TCF12: variants seen among roughly 807,000 people sequenced by gnomAD.
The protein encoded by TCF12 is transcription factor 12.
A neutral mutation model predicts 86.0 loss-of-function variants in TCF12; 45 were observed. That is an observed-to-expected ratio of 0.52 (90% confidence interval 0.41 to 0.67). The LOEUF is 0.67. Ranked by LOEUF, TCF12 falls within the 30% of genes least tolerant of loss-of-function variation. The probability of loss-of-function intolerance (pLI) is 0.00; values close to 1 mark genes in which losing one functional copy is unlikely to be tolerated. For missense variants in TCF12, 881 were observed against 859.9 expected, an observed-to-expected ratio of 1.02 and a Z score of -0.31; for synonymous variants, 330 against 299.6, an observed-to-expected ratio of 1.10 and a Z score of -1.05.
intron 4 of TCF12, among the ~76,000 whole-genome samples, chr15:57,068,461 A>G (rs1285820479): frequency 1.3e-5 from 2 of 152,200 alleles, no homozygotes; most frequent in African/African-American, 2.4e-5. Context: ...ACTTTTATTT[A>G]TTTTAAATGT....
At chr15:57,031,608 G>A (rs1019599206) in intron 3 of TCF12, among the ~76,000 whole-genome samples, 1 of 152,128 alleles carries the variant, frequency 6.6e-6, no homozygotes, top group Non-Finnish European at 1.5e-5. Flanking sequence ...TATAAAATCT[G>A]GACAGAATAC....
chr15:57,248,013 G>A (rs2059940017), intron 13 of TCF12: 1 of 711,664 alleles, frequency 1.4e-6, no homozygotes, highest in Non-Finnish European at 2.6e-6. Context: ...GGTGGCAACG[G>A]CTGCAGTTGG....
chr15:57,138,943 G>T (rs1050915680), intron 5 of TCF12, among the ~76,000 whole-genome samples: 2 of 152,156 alleles, frequency 1.3e-5, no homozygotes, highest in Non-Finnish European at 2.9e-5. Flanking sequence ...GTGAATATAT[G>T]ATTAAATTAA....
At chr15:56,955,974 T>C (rs2061491183) in intron 3 of TCF12, among the ~76,000 whole-genome samples, 1 of 152,214 alleles carries the variant, frequency 6.6e-6, no homozygotes, top group African/African-American at 2.4e-5. Context: ...GACTGTTTTA[T>C]CATTATAAAA....
At chr15:57,179,310 C>T (rs1370534712) in intron 6 of TCF12, among the ~76,000 whole-genome samples, 2 of 152,052 alleles carry the variant, frequency 1.3e-5, no homozygotes, top group Non-Finnish European at 2.9e-5. Context: ...CATAGTGAAA[C>T]CCCATCTCTA....
intron 6 of TCF12, among the ~76,000 whole-genome samples, chr15:57,190,599 C>T (rs1203373103): frequency 6.6e-6 from 1 of 152,160 alleles, no homozygotes; most frequent in African/African-American, 2.4e-5. Context: ...TTTCAAGTCT[C>T]TGTGATCCTA....
intron 5 of TCF12, among the ~76,000 whole-genome samples, chr15:57,136,996 T>TTTTTTG (rs2052591137): frequency 9.5e-6 from 1 of 104,884 alleles, no homozygotes. Context: ...TTTTTTTTTT[T>TTTTTTG]TGAGACGGAG....
At chr15:57,055,392 C>T (rs1272970965) in intron 3 of TCF12, among the ~76,000 whole-genome samples, 3 of 152,164 alleles carry the variant, frequency 2.0e-5, no homozygotes, top group Admixed American at 6.5e-5. Flanking sequence ...CGAGCAAAAA[C>T]TCTGTCTCAA....
At chr15:56,984,001 C>CAAAAAAAAAAA (rs71113046) in intron 3 of TCF12, among the ~76,000 whole-genome samples, 15 of 43,042 alleles carry the variant, frequency 3.5e-4, no homozygotes, top group African/African-American at 3.9e-4. Context: ...GACCCTGTCT[C>CAAAAAAAAAAA]AAAAAAAAAA....
chr15:57,069,095 C>T (rs921063706), intron 4 of TCF12, among the ~76,000 whole-genome samples: 8 of 152,278 alleles, frequency 5.3e-5, no homozygotes, highest in East Asian at 1.9e-4. Context: ...AGCCAACCTA[C>T]GCCAAGCTCT....
At chr15:57,275,165 T>C (rs1189145329) in intron 19 of TCF12, among the ~76,000 whole-genome samples, 1 of 152,184 alleles carries the variant, frequency 6.6e-6, no homozygotes, top group Non-Finnish European at 1.5e-5. Flanking sequence ...AAGGACTCTT[T>C]GACTGATGAG....
chr15:57,089,423 A>G (rs1448510890), intron 4 of TCF12, among the ~76,000 whole-genome samples: 1 of 152,198 alleles, frequency 6.6e-6, no homozygotes, highest in African/African-American at 2.4e-5. Flanking sequence ...TGAAAATCCC[A>G]GTCATTAGCA....
At chr15:56,998,042 A>G (rs1181370530) in intron 3 of TCF12, among the ~76,000 whole-genome samples, 1 of 152,256 alleles carries the variant, frequency 6.6e-6, no homozygotes, top group African/African-American at 2.4e-5. Context: ...TTAAAAATAG[A>G]TGAAGCAAAA....
In TCF12 at chr15:57,286,412, C is replaced by T. The variant is rs553266202; in HGVS notation, c.*267C>T. On this transcript the variant is annotated 3_prime_UTR_variant, in exon 21 of 21. Transcript: ENST00000333725. Reference sequence around the variant, plus strand: ...AAATCTTTTGTTGCAAGCAGTGTGTCGCTTCTGCACAATCAGAGACTGTCT... The same window carrying T: ...AAATCTTTTGTTGCAAGCAGTGTGTTGCTTCTGCACAATCAGAGACTGTCT... 5.3e-5 allele frequency: 15 copies of T among 283,572 alleles called. No individual in the cohort carries two copies. Among genetic ancestry groups the T allele is most frequent in the Middle Eastern group, 1.9e-3 (2 of 1,030 alleles). The allele number at this position is 283,572 out of a possible 1,614,324, so 17.6% of individuals were successfully genotyped here.
At chr15:57,132,040 A>G (rs1340954311) in intron 5 of TCF12, among the ~76,000 whole-genome samples, 1 of 152,116 alleles carries the variant, frequency 6.6e-6, no homozygotes, top group African/African-American at 2.4e-5. Flanking sequence ...AGTCCCAGCT[A>G]CTTGGGAGGC....
intron 5 of TCF12, among the ~76,000 whole-genome samples, chr15:57,158,273 G>C (rs2151494632): frequency 6.7e-6 from 1 of 149,198 alleles, no homozygotes; most frequent in Middle Eastern, 3.4e-3. Context: ...CGACTTCCTG[G>C]GCTCAGGTGA....
chr15:56,940,655 C>A (rs2140347590), intron 3 of TCF12, among the ~76,000 whole-genome samples: 2 of 148,056 alleles, frequency 1.4e-5, no homozygotes, highest in South Asian at 4.5e-4. Context: ...TTCTCCCTCT[C>A]CTCCCTATCC....
intron 7 of TCF12, among the ~76,000 whole-genome samples, chr15:57,193,538 G>C (rs1469457875): frequency 2.0e-5 from 3 of 152,156 alleles, no homozygotes; most frequent in Admixed American, 6.6e-5. Flanking sequence ...TTAAATGTCA[G>C]AATTTCTGGT....
chr15:56,988,081 A>G lies in TCF12; in HGVS notation c.148+66983A>G, dbSNP rs761220546. On this transcript the variant is annotated intron_variant, in intron 3 of 20. Coordinates refer to ENST00000333725, the MANE Select transcript of TCF12 (RefSeq NM_207037.2). ...AACATATAGGCAGTGATTATTAAACAAGAACATTAAAATACGATTCAAAAT... is the reference window on the plus strand; with the variant it reads ...AACATATAGGCAGTGATTATTAAACGAGAACATTAAAATACGATTCAAAAT... Among the ~76,000 whole-genome samples, 4 of 152,246 alleles carry G rather than the reference A, an allele frequency of 2.6e-5. 1 individual carries two copies. The East Asian group carries it at 7.7e-4, about 29-fold the overall frequency.
Sources: allele counts gnomAD v4.1 joint callset (sites outside exome capture counted in the v4.1 genomes callset), GRCh38; gene constraint gnomAD v4.1.1; transcripts MANE v1.5; gene names NCBI Gene and HGNC (gene_info 2026-07-23, HGNC 2026-07-21).